Variants in TNS3 observed in about 807,000 individuals in gnomAD.
The protein encoded by TNS3 is tensin 3, also known as tensin-3.
TNS3 carries 45 observed loss-of-function variants against 140.9 expected under a neutral mutation model. The observed-to-expected ratio is 0.32, with a 90% CI of 0.25 to 0.41. The LOEUF (loss-of-function observed/expected upper bound fraction) is 0.41. TNS3 is among the 10% of genes least tolerant of loss of function. TNS3 has a pLI of 1.00. For synonymous variants in TNS3, 815 were observed against 788.4 expected (o/e 1.03, Z -0.56); for missense variants, 1,716 against 1,906.7 (o/e 0.90, Z 1.86).
chr7:47,280,857 G>A (rs1235694320), intron 28 of TNS3, among the ~76,000 whole-genome samples: 1 of 152,108 alleles, frequency 6.6e-6, no homozygotes, highest in African/African-American at 2.4e-5. Context: ...AGGTTGCAGT[G>A]GGCTGAGATC....
intron 17 of TNS3, among the ~76,000 whole-genome samples, chr7:47,352,127 ACT>A (rs149200701): frequency 0.11 from 16,789 of 151,648 alleles, 994 homozygotes; most frequent in East Asian, 0.13. Context: ...TCTCTCACAC[ACT>A]CTTACACTCA....
rs1334569301 is a variant in TNS3, at chr7:47,439,532, C to T, written c.105G>A (p.Gln35=). ...TGGACTTGAGCATGCGCGTGACCTC[C>T]TGTAGGTTGTGCAGGTAGGACTCCT... ...CSEESYLHNL[Q]EVTRMLKSKH... is the part of the protein sequence containing the mutation. The change falls in exon 6 of 31, where the codon CAG becomes CAA. Residue 35 remains glutamine, a synonymous_variant. Transcript: ENST00000311160. 3 of 1,613,906 alleles carry T rather than the reference C, an allele frequency of 1.9e-6. No homozygotes were observed. Among genetic ancestry groups the T allele is most frequent in the Non-Finnish European group, 2.5e-6 (3 of 1,179,966 alleles).
chr7:47,368,017 C>T (rs1005593462), intron 17 of TNS3, among the ~76,000 whole-genome samples: 2 of 152,218 alleles, frequency 1.3e-5, no homozygotes, highest in Non-Finnish European at 2.9e-5. Context: ...CTTTGTAAAT[C>T]CACCAACATT....
chr7:47,551,708 C>G (rs1016147240), intron 1 of TNS3, among the ~76,000 whole-genome samples: 4 of 152,200 alleles, frequency 2.6e-5, no homozygotes, highest in African/African-American at 9.7e-5. Flanking sequence ...AGAAACAACA[C>G]CCCACACAGG....
chr7:47,491,949 C>A (rs2151830297), intron 3 of TNS3, among the ~76,000 whole-genome samples: 1 of 152,336 alleles, frequency 6.6e-6, no homozygotes. Flanking sequence ...CCATGCCTGA[C>A]ACCATGAACA....
chr7:47,549,345 C>A (rs932256305), intron 1 of TNS3, among the ~76,000 whole-genome samples: 10 of 151,980 alleles, frequency 6.6e-5, no homozygotes, highest in African/African-American at 2.4e-4. Flanking sequence ...ACCAAAAAAA[C>A]TTAGCCATGT....
chr7:47,303,828 C>T (rs1007302938), intron 21 of TNS3, among the ~76,000 whole-genome samples: 24 of 152,192 alleles, frequency 1.6e-4, no homozygotes, highest in Admixed American at 1.0e-3. Context: ...CCAGGGGAGC[C>T]GCCCCATGAA....
chr7:47,426,183 G>A (rs1263269276), intron 9 of TNS3, among the ~76,000 whole-genome samples: 1 of 152,150 alleles, frequency 6.6e-6, no homozygotes, highest in Non-Finnish European at 1.5e-5. Context: ...TTGAGAGGCT[G>A]AGGCAGGAGA....
chr7:47,415,443 A>G (rs1312044555), intron 10 of TNS3, among the ~76,000 whole-genome samples: 1 of 152,224 alleles, frequency 6.6e-6, no homozygotes, highest in Non-Finnish European at 1.5e-5. Context: ...TGGCTTGAGC[A>G]TCCCACACCT....
At chr7:47,567,683 CAAAAAAA>C (rs57071957) in intron 1 of TNS3, among the ~76,000 whole-genome samples, 22,770 of 85,052 alleles carry the variant, frequency 0.27, 2,152 homozygotes, top group South Asian at 0.4. Flanking sequence ...GACTCGGTCT[CAAAAAAA>C]AAAAAAAAAA....
At chr7:47,517,019 C>T (rs1367339811) in intron 2 of TNS3, among the ~76,000 whole-genome samples, 4 of 152,206 alleles carry the variant, frequency 2.6e-5, no homozygotes, top group Non-Finnish European at 5.9e-5. Flanking sequence ...GCCAAGACCA[C>T]AGCACTGCAC....
intron 8 of TNS3, among the ~76,000 whole-genome samples, chr7:47,434,822 C>T (rs190197826): frequency 2.0e-5 from 3 of 152,298 alleles, no homozygotes; most frequent in African/African-American, 7.2e-5. Flanking sequence ...AATGGCTCCA[C>T]GTGGAAAGGA....
intron 1 of TNS3, among the ~76,000 whole-genome samples, chr7:47,533,898 A>G (rs1376633082): frequency 6.6e-6 from 1 of 152,110 alleles, no homozygotes; most frequent in East Asian, 1.9e-4. Flanking sequence ...GAGTCCATTA[A>G]ATCCTTTTTC....
At chr7:47,448,399 G>A (rs867798726) in intron 4 of TNS3, among the ~76,000 whole-genome samples, 6 of 152,292 alleles carry the variant, frequency 3.9e-5, no homozygotes, top group Admixed American at 1.3e-4. Flanking sequence ...TGAGGATCTG[G>A]GAGCCCCCAC....
chr7:47,379,062 T>C (rs535162112), intron 16 of TNS3, among the ~76,000 whole-genome samples: 1 of 152,278 alleles, frequency 6.6e-6, no homozygotes, highest in South Asian at 2.1e-4. Context: ...GGCTGAAAAC[T>C]AGGCTGTGGC....
intron 10 of TNS3, among the ~76,000 whole-genome samples, chr7:47,416,934 G>A (rs1794112104): frequency 6.6e-6 from 1 of 152,154 alleles, no homozygotes; most frequent in African/African-American, 2.4e-5. Flanking sequence ...CTGGTCACTG[G>A]GAAATCAGCT....
At chr7:47,318,142 CAATG>C (rs1021451725) in intron 20 of TNS3, among the ~76,000 whole-genome samples, 4 of 152,186 alleles carry the variant, frequency 2.6e-5, no homozygotes, top group African/African-American at 9.6e-5. Context: ...TGTATGAATT[CAATG>C]ACTCTAGGGA....
At chr7:47,371,000 C>T (rs528228581) in intron 16 of TNS3, among the ~76,000 whole-genome samples, 8 of 152,266 alleles carry the variant, frequency 5.3e-5, no homozygotes, top group South Asian at 2.1e-4. Flanking sequence ...GCTGAAAACG[C>T]GCCCACGCCA....
chr7:47,543,300 A>G (rs1300761971), intron 1 of TNS3, among the ~76,000 whole-genome samples: 2 of 152,202 alleles, frequency 1.3e-5, no homozygotes, highest in African/African-American at 2.4e-5. Flanking sequence ...CATCTCACCT[A>G]TCCAGCAAAC....
Sources: allele counts gnomAD v4.1 joint callset (sites outside exome capture counted in the v4.1 genomes callset), GRCh38; gene constraint gnomAD v4.1.1; transcripts MANE v1.5; gene names NCBI Gene and HGNC (gene_info 2026-07-23, HGNC 2026-07-21).